USP6NL: variants seen among roughly 807,000 people sequenced by gnomAD.
The protein encoded by USP6NL is USP6 N-terminal-like protein.
Under a neutral mutation model 61.9 loss-of-function variants are expected in USP6NL, and 26 were observed. That is an observed-to-expected ratio of 0.42 (90% confidence interval 0.31 to 0.58). The LOEUF (loss-of-function observed/expected upper bound fraction) is 0.58, where lower values mean the gene tolerates loss of function less well. USP6NL is among the 20% of genes least tolerant of loss of function. The probability of loss-of-function intolerance (pLI) is 0.16; values close to 1 mark genes in which losing one functional copy is unlikely to be tolerated. For missense variants in USP6NL, 1,114 were observed against 1,034.3 expected, an observed-to-expected ratio of 1.08 and a Z score of -1.06; for synonymous variants, 432 against 390.1, an observed-to-expected ratio of 1.11 and a Z score of -1.27.
intron 5 of USP6NL, among the ~76,000 whole-genome samples, chr10:11,515,934 T>C (rs1834938202): frequency 6.6e-6 from 1 of 152,164 alleles, no homozygotes; most frequent in Non-Finnish European, 1.5e-5. Context: ...TTTTTTGATA[T>C]AAATAGGTTC....
At position 11,593,186 on chromosome 10, in the gene USP6NL, T is replaced by G. The variant is rs535075303; in HGVS notation, c.4+4445A>C. Among the ~76,000 whole-genome samples the G allele has an allele frequency of 8.5e-5, 13 of 152,346 alleles. No individual in the cohort carries two copies. The South Asian group carries it at 2.7e-3, about 32-fold the overall frequency. Reference sequence around the variant, plus strand: ...AATTAGTTGCAGAGCAAAACTTTCCTGAAGAAACTGAAATAAAATACAGAA... The same window carrying G: ...AATTAGTTGCAGAGCAAAACTTTCCGGAAGAAACTGAAATAAAATACAGAA... On this transcript the variant is annotated intron_variant, in intron 2 of 14. Transcript: ENST00000609104.
In USP6NL at chr10:11,562,264, A is replaced by T. The variant is rs1426153247; in HGVS notation, c.5-34697T>A. On this transcript the variant is annotated intron_variant, in intron 2 of 14. Coordinates refer to ENST00000609104, the MANE Select transcript of USP6NL (RefSeq NM_014688.5). This position sits in a 1 kb window ranked among gnomAD's most constrained non-coding sequence, Gnocchi z 4.8. Reference sequence around the variant, plus strand: ...CGGACAGTGCAAGACTCCATCTCAAAAAAAAAAAAAAAAAATTGCATTCCC... The same window carrying T: ...CGGACAGTGCAAGACTCCATCTCAATAAAAAAAAAAAAAAATTGCATTCCC... 9.2e-6 allele frequency: 5 copies of T among 542,694 alleles called. No homozygotes were observed. The highest frequency in any genetic ancestry group is 2.1e-5 in the African/African-American group (1 of 48,508). 33.6% of individuals were successfully genotyped at this position (542,694 alleles called of 1,614,324 possible).
chr10:11,462,717 T>G lies in USP6NL; in HGVS notation c.2211A>C (p.Ser737=), dbSNP rs775138285. The G allele has an allele frequency of 3.0e-5, 49 of 1,613,918 alleles. No individual in the cohort carries two copies. In the Admixed American group the frequency reaches 8.0e-4, roughly 26 times the overall value. The change falls in exon 15 of 15, where the codon TCA becomes TCC. Residue 737 remains serine, a synonymous_variant. Coordinates refer to ENST00000609104, the MANE Select transcript of USP6NL (RefSeq NM_014688.5). Reference sequence around the variant, plus strand: ...CAGGTCTGTATGTATAACTAACTTCTGACCATGTTCTGTTATCTGGCAAGT... The same window carrying G: ...CAGGTCTGTATGTATAACTAACTTCGGACCATGTTCTGTTATCTGGCAAGT... ...VDYLPDNRTW[S]EVSYTYRPET...
intron 2 of USP6NL, among the ~76,000 whole-genome samples, chr10:11,584,773 C>A (rs1375975412): frequency 6.6e-6 from 1 of 151,950 alleles, no homozygotes. Flanking sequence ...CCCATCTCTA[C>A]AGAAAAATAC....
chr10:11,569,026 C>T (rs1276542329), intron 2 of USP6NL, among the ~76,000 whole-genome samples: 1 of 152,180 alleles, frequency 6.6e-6, no homozygotes, highest in African/African-American at 2.4e-5. Flanking sequence ...TTCTCAAGTT[C>T]TCATTAAATA....
chr10:11,557,718 T>C (rs1836768143), intron 2 of USP6NL, among the ~76,000 whole-genome samples: 1 of 152,090 alleles, frequency 6.6e-6, no homozygotes, highest in African/African-American at 2.4e-5. Context: ...GAGACTCTAG[T>C]GCATGAGGAA....
Position 11,489,250 on chromosome 10 carries a change from T to C in USP6NL, c.544-28A>G, listed in dbSNP as rs760614408. The C allele has an allele frequency of 4.3e-6, 7 of 1,612,338 alleles. No individual in the cohort carries two copies. In the Admixed American group the frequency reaches 6.7e-5, roughly 15 times the overall value. On this transcript the variant is annotated intron_variant, in intron 9 of 14. Transcript: ENST00000609104. The surrounding 1 kb of genome is among the most constrained non-coding windows in gnomAD (Gnocchi z 5.7). Reference sequence around the variant, plus strand: ...GGGGAGCAAAGGGGAACACAGAAGCTGGGGAGTTCAGTCGAATTACATGCA... The same window carrying C: ...GGGGAGCAAAGGGGAACACAGAAGCCGGGGAGTTCAGTCGAATTACATGCA...
rs1832660939 is a variant in USP6NL at position 11,470,001 on chromosome 10, T to C, written c.1079-6152A>G. Reference sequence around the variant, plus strand: ...TGAATAGTGTAATATTCTCAGAAATTCCACAATGAGCAGTGTATATACAGC... The same window carrying C: ...TGAATAGTGTAATATTCTCAGAAATCCCACAATGAGCAGTGTATATACAGC... On this transcript the variant is annotated intron_variant, in intron 14 of 14. Coordinates refer to ENST00000609104, the MANE Select transcript of USP6NL (RefSeq NM_014688.5). The surrounding 1 kb of genome is among the most constrained non-coding windows in gnomAD (Gnocchi z 5.4). Among the ~76,000 whole-genome samples, 1 of 152,194 alleles carries C rather than the reference T, an allele frequency of 6.6e-6. No homozygotes were observed. The highest frequency in any genetic ancestry group is 2.4e-5 in the African/African-American group (1 of 41,436).
At chr10:11,551,691 G>C (rs755966360) in intron 2 of USP6NL, among the ~76,000 whole-genome samples, 3 of 152,154 alleles carry the variant, frequency 2.0e-5, no homozygotes, top group Non-Finnish European at 4.4e-5. Flanking sequence ...TCTAAGTCCT[G>C]TTCACTTAAC....
chr10:11,490,957 C>A lies in USP6NL; in HGVS notation c.495-77G>T. 1 of 1,277,124 alleles carries A rather than the reference C, an allele frequency of 7.8e-7. No individual in the cohort carries two copies. The highest frequency in any genetic ancestry group is 2.6e-5 in the East Asian group (1 of 38,492). 79.1% of individuals were successfully genotyped at this position (1,277,124 alleles called of 1,614,324 possible). A position where few individuals can be genotyped will look rare whatever the true frequency, so the allele number is the denominator to read the frequency against. ...AAAATTACAAACTTAAAAAAATAAA[C>A]CAAAGACTGACTGAAAACAGATAAT... On this transcript the variant is annotated intron_variant, in intron 8 of 14. Coordinates refer to ENST00000609104, the MANE Select transcript of USP6NL (RefSeq NM_014688.5). This position sits in a 1 kb window ranked among gnomAD's most constrained non-coding sequence, Gnocchi z 4.5.
chr10:11,500,971 A>C lies in USP6NL; in HGVS notation c.384+130T>G, dbSNP rs375175227. ...ATCAAGAAAACAAATAGACCTCCAA[A>C]ACCTCCAATGCGATAGAATTTTAAT... On this transcript the variant is annotated intron_variant, in intron 7 of 14. Coordinates refer to ENST00000609104, the MANE Select transcript of USP6NL (RefSeq NM_014688.5). 2.8e-5 allele frequency: 19 copies of C among 672,054 alleles called. No homozygotes were observed. In the African/African-American group the frequency reaches 2.9e-4, roughly 10 times the overall value. 41.6% of individuals were successfully genotyped at this position (672,054 alleles called of 1,614,324 possible). A position where few individuals can be genotyped will look rare whatever the true frequency, so the allele number is the denominator to read the frequency against.
At chr10:11,493,398 C>T (rs1833784159) in intron 7 of USP6NL, among the ~76,000 whole-genome samples, 170 bp from the exon 8 acceptor site, 1 of 152,160 alleles carries the variant, frequency 6.6e-6, no homozygotes, top group African/African-American at 2.4e-5. Context: ...AACTTTCCCT[C>T]CCCTCCATTC....
chr10:11,594,366 G>A (rs7922272), intron 2 of USP6NL, among the ~76,000 whole-genome samples: 65,805 of 152,060 alleles, frequency 0.43, 14,707 homozygotes, highest in Middle Eastern at 0.54. Context: ...TACTGCCTGT[G>A]TAACCAATCT....
At chr10:11,501,584 C>T (rs530814364) in intron 6 of USP6NL, among the ~76,000 whole-genome samples, 21 of 152,284 alleles carry the variant, frequency 1.4e-4, no homozygotes, top group Admixed American at 1.4e-3. Context: ...TGCCTTTTAT[C>T]CCACACACCT....
chr10:11,475,469 G>A (rs1832933238), intron 14 of USP6NL, among the ~76,000 whole-genome samples: 1 of 151,844 alleles, frequency 6.6e-6, no homozygotes, highest in African/African-American at 2.4e-5. Context: ...GGTGGCATAT[G>A]CCTATAATCC....
At chr10:11,563,669 A>G (rs563054969) in intron 2 of USP6NL, 1 of 152,202 alleles carries the variant, frequency 6.6e-6, no homozygotes, top group Non-Finnish European at 1.5e-5. Context: ...CAAAAACCCC[A>G]TAATTAATAT....
chr10:11,497,487 G>T (rs985571762), intron 7 of USP6NL, among the ~76,000 whole-genome samples: 1 of 151,824 alleles, frequency 6.6e-6, no homozygotes, highest in East Asian at 1.9e-4. Context: ...TGTTCTACAG[G>T]CTTCCTTGTA....
chr10:11,466,536 C>T (rs959490289), intron 14 of USP6NL, among the ~76,000 whole-genome samples: 3 of 152,132 alleles, frequency 2.0e-5, no homozygotes, highest in Admixed American at 6.5e-5. Flanking sequence ...TTTATAGATC[C>T]GCTATGAGGA....
At chr10:11,536,353 A>G (rs2133437531) in intron 2 of USP6NL, among the ~76,000 whole-genome samples, 1 of 152,340 alleles carries the variant, frequency 6.6e-6, no homozygotes, top group African/African-American at 2.4e-5. Context: ...TATCAGGCCC[A>G]GAGAGATGTG....
Sources: gnomAD v4.1 joint callset for allele counts (sites outside exome capture counted in the v4.1 genomes callset) on GRCh38, gnomAD v4.1.1 for gene constraint, Gnocchi (gnomAD v3.1) non-coding constraint, MANE v1.5 for transcripts, NCBI Gene and HGNC (gene_info 2026-07-23, HGNC 2026-07-21) for gene names.